The following GRID2 variants were observed in gnomAD, a reference collection of about 807,000 sequenced individuals.
GRID2 encodes the protein glutamate ionotropic receptor delta type subunit 2, also known as glutamate receptor ionotropic, delta-2.
Under a neutral mutation model 114.8 loss-of-function variants are expected in GRID2, and 33 were observed. That is an observed-to-expected ratio of 0.29 (90% CI 0.22 to 0.38). The LOEUF (loss-of-function observed/expected upper bound fraction) is 0.38. GRID2 is among the 10% of genes least tolerant of loss of function. The pLI is 1.00. For missense variants in GRID2, 1,184 were observed against 1,257.7 expected (o/e 0.94, Z 0.89); for synonymous variants, 505 against 449.9 (o/e 1.12, Z -1.55).
chr4:92,535,961 G>T (rs1579536020), intron 1 of GRID2, among the ~76,000 whole-genome samples: 1 of 152,300 alleles, frequency 6.6e-6, no homozygotes, highest in East Asian at 1.9e-4. Context: ...CTTCAGGAGA[G>T]ATGGTGCAGA....
At position 92,452,815 on chromosome 4, in the gene GRID2, T is replaced by C. The variant is rs923471283; in HGVS notation, c.89-137316T>C. On this transcript the variant is annotated intron_variant, in intron 1 of 15. Coordinates refer to ENST00000282020, the MANE Select transcript of GRID2 (RefSeq NM_001510.4). ...ATATATGATACATGTATATATAATATATGTTTACCATATATATATATTTAC... is the reference window on the plus strand; with the variant it reads ...ATATATGATACATGTATATATAATACATGTTTACCATATATATATATTTAC... Among the ~76,000 whole-genome samples the C allele has an allele frequency of 2.8e-5, 4 of 144,338 alleles. No homozygotes were observed. In the South Asian group the frequency reaches 8.6e-4, roughly 31 times the overall value. The allele number at this position is 144,338 out of a possible 152,430, so 94.7% of individuals were successfully genotyped here. A position where few individuals can be genotyped will look rare whatever the true frequency, so the allele number is the denominator to read the frequency against.
At chr4:93,498,049 G>A (rs1023508887) in intron 12 of GRID2, among the ~76,000 whole-genome samples, 1 of 151,702 alleles carries the variant, frequency 6.6e-6, no homozygotes, top group Non-Finnish European at 1.5e-5. Context: ...TGTTAGATTT[G>A]TGCCTAAGTA....
At chr4:92,944,369 G>T (rs1358359693) in intron 2 of GRID2, among the ~76,000 whole-genome samples, 1 of 152,348 alleles carries the variant, frequency 6.6e-6, no homozygotes, top group Middle Eastern at 3.4e-3. Flanking sequence ...AGGACCCTCT[G>T]AGCCAGGTGC....
chr4:92,321,054 G>T (rs1726287668), intron 1 of GRID2, among the ~76,000 whole-genome samples: 1 of 152,036 alleles, frequency 6.6e-6, no homozygotes, highest in East Asian at 1.9e-4. Context: ...TAAATTAATA[G>T]AATTACATAG....
intron 8 of GRID2, among the ~76,000 whole-genome samples, chr4:93,269,195 T>C (rs1212374815): frequency 1.3e-5 from 2 of 152,292 alleles, no homozygotes; most frequent in East Asian, 3.9e-4. Flanking sequence ...TGATTCTTAA[T>C]CTTTTTGCAC....
At chr4:92,754,439 T>C (rs879643711) in intron 2 of GRID2, among the ~76,000 whole-genome samples, 37 of 152,210 alleles carry the variant, frequency 2.4e-4, no homozygotes, top group Middle Eastern at 3.4e-3. Flanking sequence ...CTATAAACTA[T>C]AGGATCAAAA....
chr4:93,398,133 G>GTATATA (rs1553923238), intron 9 of GRID2, among the ~76,000 whole-genome samples: 4 of 122,336 alleles, frequency 3.3e-5, no homozygotes, highest in African/African-American at 1.5e-4. Context: ...ATGTGTGTGT[G>GTATATA]TATATATATA....
chr4:93,634,560 A>G lies in GRID2; in HGVS notation c.2360+8125A>G, dbSNP rs367868873. ...GAGCCTCAGACTTAAATATCTTGCC[A>G]AATTCACACAACTAATAACAAACAG... is the stretch of plus-strand genomic sequence containing the variant. On this transcript the variant is annotated intron_variant, in intron 14 of 15. Coordinates refer to ENST00000282020, the MANE Select transcript of GRID2 (RefSeq NM_001510.4). Among the ~76,000 whole-genome samples the G allele has an allele frequency of 9.2e-5, 14 of 152,244 alleles. No homozygotes were observed. In the South Asian group the frequency reaches 1.0e-3, roughly 11 times the overall value.
At chr4:93,030,293 GT>G (rs1724279622) in intron 2 of GRID2, among the ~76,000 whole-genome samples, 1 of 151,256 alleles carries the variant, frequency 6.6e-6, no homozygotes, top group African/African-American at 2.4e-5. Context: ...TCCTAAAAGT[GT>G]TTCTTTTCTA....
At chr4:93,170,741 C>G (rs1401746737) in intron 4 of GRID2, among the ~76,000 whole-genome samples, 1 of 152,102 alleles carries the variant, frequency 6.6e-6, no homozygotes, top group Non-Finnish European at 1.5e-5. Flanking sequence ...CTTTGAATTA[C>G]AGTCTTACAT....
At chr4:92,463,232 G>A (rs541351225) in intron 1 of GRID2, among the ~76,000 whole-genome samples, 10 of 151,888 alleles carry the variant, frequency 6.6e-5, no homozygotes, top group South Asian at 2.1e-4. Context: ...AGTCTAGGAG[G>A]TGTAAATTAT....
At chr4:93,664,462 C>T (rs1257088512) in intron 14 of GRID2, among the ~76,000 whole-genome samples, 2 of 152,094 alleles carry the variant, frequency 1.3e-5, no homozygotes, top group African/African-American at 4.8e-5. Flanking sequence ...ACCATAAGGG[C>T]AGCAATGTGA....
intron 1 of GRID2, among the ~76,000 whole-genome samples, chr4:92,414,069 C>G (rs1453905987): frequency 6.6e-6 from 1 of 152,096 alleles, no homozygotes; most frequent in Non-Finnish European, 1.5e-5. Flanking sequence ...CAGCTTTGCA[C>G]TGACAATGGT....
intron 2 of GRID2, among the ~76,000 whole-genome samples, chr4:92,676,416 A>G (rs1733375544): frequency 6.6e-6 from 1 of 151,008 alleles, no homozygotes. Context: ...TTCTGACCTC[A>G]TGATCTGCCT....
At chr4:93,466,513 G>A (rs1056230320) in intron 11 of GRID2, among the ~76,000 whole-genome samples, 9 of 152,156 alleles carry the variant, frequency 5.9e-5, no homozygotes, top group African/African-American at 2.2e-4. Context: ...ACTTTTAACT[G>A]CATGCAGATT....
At position 92,588,454 on chromosome 4, in the gene GRID2, A is replaced by G. The variant is rs956214422; in HGVS notation, c.89-1677A>G. On this transcript the variant is annotated intron_variant, in intron 1 of 15. Transcript: ENST00000282020. Reference sequence around the variant, plus strand: ...CACTTTGGGAGGCCGAGGTAGGTGGATCACGATGTCAGGAGATCGAAACCA... The same window carrying G: ...CACTTTGGGAGGCCGAGGTAGGTGGGTCACGATGTCAGGAGATCGAAACCA... 2.0e-5 allele frequency among the ~76,000 whole-genome samples: 3 copies of G among 151,966 alleles called. No homozygotes were observed. The South Asian group carries it at 6.2e-4, about 31-fold the overall frequency.
chr4:92,655,260 T>C (rs943753046), intron 2 of GRID2, among the ~76,000 whole-genome samples: 5 of 151,814 alleles, frequency 3.3e-5, no homozygotes, highest in Admixed American at 6.6e-5. Flanking sequence ...TTTATACCAA[T>C]ATGTTCTGTT....
At chr4:93,170,342 C>A (rs1479803365) in intron 4 of GRID2, among the ~76,000 whole-genome samples, 1 of 152,126 alleles carries the variant, frequency 6.6e-6, no homozygotes, top group African/African-American at 2.4e-5. Context: ...CCTTGGACTC[C>A]CAAAGTGCTG....
intron 3 of GRID2, among the ~76,000 whole-genome samples, chr4:93,085,880 A>G (rs1730291569): frequency 6.6e-6 from 1 of 152,300 alleles, no homozygotes; most frequent in South Asian, 2.1e-4. Flanking sequence ...CTTCCAAGGT[A>G]AAACACAAAG....
Sources: allele counts gnomAD v4.1 joint callset (sites outside exome capture counted in the v4.1 genomes callset), GRCh38; gene constraint gnomAD v4.1.1; transcripts MANE v1.5; gene names NCBI Gene and HGNC (gene_info 2026-07-23, HGNC 2026-07-21).